The following ESF1 variants were observed in gnomAD, a reference collection of about 807,000 sequenced individuals.
The protein encoded by ESF1 is ESF1 homolog.
ESF1 carries 58 observed loss-of-function variants against 92.0 expected under a neutral mutation model. The ratio of observed to expected loss-of-function variants is 0.63; its 90% CI spans 0.51 to 0.78. The LOEUF is 0.78. ESF1 is among the 30% of genes least tolerant of loss of function. The pLI is 0.00. For synonymous variants in ESF1, 321 were observed against 313.7 expected (o/e 1.02, Z -0.24); for missense variants, 922 against 989.1 (o/e 0.93, Z 0.91).
intron 8 of ESF1, among the ~76,000 whole-genome samples, chr20:13,760,981 T>C (rs1371919529): frequency 6.6e-6 from 1 of 152,192 alleles, no homozygotes; most frequent in African/African-American, 2.4e-5. Context: ...GGATGGTTGC[T>C]GTGTCTGTGT....
intron 10 of ESF1, 132 bp from the exon 11 acceptor site, chr20:13,728,597 T>C: frequency 1.4e-6 from 1 of 730,998 alleles, no homozygotes. Context: ...CCAAGCGTGG[T>C]GGCTCACGCC....
In ESF1 at chr20:13,782,724, T is replaced by G. The variant is rs1388049691; in HGVS notation, c.417A>C (p.Lys139Asn). 6.3e-7 allele frequency: 1 copy of G among 1,587,180 alleles called. No individual in the cohort carries two copies. The highest frequency in any genetic ancestry group is 2.2e-5 in the East Asian group (1 of 44,670). ...TDLDNSIGIK[K>N]MKTSCKFKID... is the part of the protein sequence containing the mutation. ...TCTTAAATTTACATGAGGTTTTCAT[T>G]TTTTTAATTCCTATAGAATTATCTA... The change falls in exon 2 of 14, where the codon AAA (lysine) becomes AAC (asparagine). Residue 139 changes from lysine (K) to asparagine (N), a missense_variant. Physicochemically the swap from Lys to Asn is moderately conservative, Grantham distance 94 (BLOSUM62 0). Coordinates refer to ENST00000617257, the MANE Select transcript of ESF1 (RefSeq NM_001276380.2).
intron 8 of ESF1, among the ~76,000 whole-genome samples, chr20:13,766,479 G>T (rs576486015): frequency 6.6e-6 from 1 of 152,178 alleles, no homozygotes; most frequent in Admixed American, 6.5e-5. Context: ...TTTTTAAAAA[G>T]GCAAATGAGG....
Position 13,775,994 on chromosome 20 carries a change from C to A in ESF1, c.914G>T (p.Gly305Val), listed in dbSNP as rs1247887590. 6.2e-7 allele frequency: 1 copy of A among 1,613,786 alleles called. No individual in the cohort carries two copies. ...AGAACTAGTTTCTATATTTCCTTTA[C>A]CCCTTGCAAGATCAGGGCCACTGTC... ...KSDSGPDLARGKGNIETSSED... is the reference protein window; with the variant it reads ...KSDSGPDLARVKGNIETSSED... Residue 305 changes from glycine (G) to valine (V), a missense_variant, in exon 3 of 14, where the codon GGT (glycine) becomes GTT (valine). Transcript: ENST00000617257.
At chr20:13,757,588 T>A (rs376738192) in intron 9 of ESF1, among the ~76,000 whole-genome samples, 1 of 152,154 alleles carries the variant, frequency 6.6e-6, no homozygotes, top group East Asian at 1.9e-4. Flanking sequence ...TTTGTAGAGA[T>A]GGAACAGTTT....
At chr20:13,768,596 AAAAAG>A (rs1379263261) in intron 7 of ESF1, among the ~76,000 whole-genome samples, 14 of 151,110 alleles carry the variant, frequency 9.3e-5, no homozygotes, top group Admixed American at 8.6e-4. Context: ...AAAAGCAAAA[AAAAAG>A]AAAAGGGAGA....
intron 11 of ESF1, among the ~76,000 whole-genome samples, chr20:13,726,570 A>G (rs1000620003): frequency 1.3e-5 from 2 of 152,178 alleles, no homozygotes; most frequent in African/African-American, 4.8e-5. Flanking sequence ...CTATCCAGTT[A>G]TATCTTCTAT....
rs1294264483 is a variant in ESF1, at chr20:13,728,540, T to C, written c.1951-75A>G. The C allele has an allele frequency of 9.4e-6, 11 of 1,172,750 alleles. 1 individual carries two copies. The highest frequency in any genetic ancestry group is 2.9e-4 in the Middle Eastern group (1 of 3,484). The allele number at this position is 1,172,750 out of a possible 1,614,324, so 72.6% of individuals were successfully genotyped here. ...AATAAATGTATACCAAGAAAAACTA[T>C]GCATTTCTTTTAAACCAAGTAGTTC... On this transcript the variant is annotated intron_variant, in intron 10 of 13. Transcript: ENST00000617257.
At chr20:13,762,297 A>G (rs1979234305) in intron 8 of ESF1, among the ~76,000 whole-genome samples, 3 of 152,004 alleles carry the variant, frequency 2.0e-5, no homozygotes. Context: ...GCTGAAATTC[A>G]TTTTTTTCCT....
At chr20:13,772,636 T>A in intron 4 of ESF1, 21 bp from the exon 5 acceptor site, 1 of 1,530,824 alleles carries the variant, frequency 6.5e-7, no homozygotes, top group Non-Finnish European at 9.0e-7. Context: ...AAAAATAGGA[T>A]CAATGTAATT....
intron 7 of ESF1, among the ~76,000 whole-genome samples, chr20:13,767,512 A>G (rs899156568): frequency 3.3e-5 from 5 of 151,576 alleles, no homozygotes; most frequent in African/African-American, 1.2e-4. Flanking sequence ...CTGGGCAACA[A>G]GAGCAAAACT....
Position 13,758,155 on chromosome 20 carries a change from G to A in ESF1, c.1828+1537C>T, listed in dbSNP as rs1432613093. Among the ~76,000 whole-genome samples the A allele has an allele frequency of 3.9e-5, 6 of 152,206 alleles. No homozygotes were observed. The South Asian group carries it at 6.2e-4, about 16-fold the overall frequency. On this transcript the variant is annotated intron_variant, in intron 9 of 13. Coordinates refer to ENST00000617257, the MANE Select transcript of ESF1 (RefSeq NM_001276380.2). ...AGAGAATTCCTCTTTATATTATTAC[G>A]TTAAAATCTACCTTCCTTCAACTTT... is the stretch of plus-strand genomic sequence containing the variant.
chr20:13,769,100 G>C (rs907558131), intron 7 of ESF1, among the ~76,000 whole-genome samples: 2 of 152,028 alleles, frequency 1.3e-5, no homozygotes, highest in Non-Finnish European at 2.9e-5. Context: ...ATTTTCACTA[G>C]TTTTGTTTAA....
chr20:13,748,924 A>G (rs1161218311), intron 9 of ESF1, among the ~76,000 whole-genome samples: 4 of 152,054 alleles, frequency 2.6e-5, no homozygotes, highest in Admixed American at 2.6e-4. Flanking sequence ...CTTCTGGATC[A>G]AAATTATGCA....
intron 8 of ESF1, among the ~76,000 whole-genome samples, chr20:13,761,195 G>C (rs950873829): frequency 5.9e-5 from 9 of 152,140 alleles, no homozygotes; most frequent in African/African-American, 2.2e-4. Context: ...TGCTCATTAA[G>C]AGTCATCACC....
Position 13,733,780 on chromosome 20 carries a change from G to A in ESF1, c.1891C>T (p.Pro631Ser), listed in dbSNP as rs933009780. 1 of 1,612,694 alleles carries A rather than the reference G, an allele frequency of 6.2e-7. No individual in the cohort carries two copies. The highest frequency in any genetic ancestry group is 8.5e-7 in the Non-Finnish European group (1 of 1,179,604). The change falls in exon 10 of 14, where the codon CCT (proline) becomes TCT (serine). Residue 631 changes from proline (P) to serine (S), a missense_variant. Transcript: ENST00000617257. Reference sequence around the variant, plus strand: ...TTCTTCTCTAAAAATTGTTCCCAAGGGGTCAGTTTATCCTTTCCTTCCAAT... The same window carrying A: ...TTCTTCTCTAAAAATTGTTCCCAAGAGGTCAGTTTATCCTTTCCTTCCAAT... The part of the protein sequence containing the change: ...NKLEGKDKLT[P>S]WEQFLEKKKE...
At chr20:13,734,610 GC>G (rs2049964374) in intron 9 of ESF1, among the ~76,000 whole-genome samples, 4 of 152,126 alleles carry the variant, frequency 2.6e-5, no homozygotes, top group Non-Finnish European at 5.9e-5. Flanking sequence ...AAGCCCTAAG[GC>G]TGATCTATCC....
At chr20:13,720,741 G>C (rs568808381) in intron 11 of ESF1, among the ~76,000 whole-genome samples, 5 of 152,236 alleles carry the variant, frequency 3.3e-5, no homozygotes, top group Non-Finnish European at 5.9e-5. Context: ...AAAGTAAAAT[G>C]GCAAAATGTT....
rs1403605452 is a variant in ESF1, at chr20:13,782,897, A to G, written c.244T>C (p.Ser82Pro). 1.2e-6 allele frequency: 2 copies of G among 1,613,790 alleles called. No individual in the cohort carries two copies. The highest frequency in any genetic ancestry group is 1.7e-6 in the Non-Finnish European group (2 of 1,180,004). ...YDLSDSDSNL[S>P]GEDSKALSQK... ...CTCAATGCTTTGCTATCTTCACCAG[A>G]GAGATTGGAATCAGAATCTGAAAGG... The change falls in exon 2 of 14, where the codon TCT becomes CCT. Residue 82 changes from serine to proline, a missense_variant. By Grantham distance (74) the Ser-to-Pro change is moderately conservative. Transcript: ENST00000617257.
Sources: gnomAD v4.1 joint callset for allele counts (sites outside exome capture counted in the v4.1 genomes callset) on GRCh38, gnomAD v4.1.1 for gene constraint, MANE v1.5 for transcripts, NCBI Gene and HGNC (gene_info 2026-07-23, HGNC 2026-07-21) for gene names.